The following NRXN3 variants were observed in gnomAD, a reference collection of about 807,000 sequenced individuals.
The protein encoded by NRXN3 is neurexin III.
Under a neutral mutation model 137.6 loss-of-function variants are expected in NRXN3, and 32 were observed. The observed-to-expected ratio is 0.23, with a 90% CI of 0.18 to 0.31. The LOEUF (loss-of-function observed/expected upper bound fraction) is 0.31. NRXN3 is among the 10% of genes least tolerant of loss of function. The probability of loss-of-function intolerance (pLI) is 1.00; values close to 1 mark genes in which losing one functional copy is unlikely to be tolerated. For missense variants in NRXN3, 1,574 were observed against 2,062.5 expected (o/e 0.76, Z 4.59); for synonymous variants, 798 against 784.5 (o/e 1.02, Z -0.29).
intron 19 of NRXN3, among the ~76,000 whole-genome samples, chr14:79,783,315 G>A (rs567917897): frequency 6.6e-6 from 1 of 152,308 alleles, no homozygotes; most frequent in East Asian, 1.9e-4. Flanking sequence ...GAGGAAATGT[G>A]TGACCCAGAA....
At chr14:79,363,445 G>A (rs1202283192) in intron 15 of NRXN3, among the ~76,000 whole-genome samples, 1 of 152,124 alleles carries the variant, frequency 6.6e-6, no homozygotes, top group Non-Finnish European at 1.5e-5. Context: ...GCTCATAGCT[G>A]TAATTAGTGT....
intron 10 of NRXN3, among the ~76,000 whole-genome samples, chr14:78,887,974 C>T (rs1037950585): frequency 5.3e-5 from 8 of 151,918 alleles, no homozygotes; most frequent in Non-Finnish European, 4.4e-5. Context: ...GCCTCTGGGC[C>T]GTCTTTATTT....
chr14:78,901,944 A>G (rs547764655), intron 10 of NRXN3, among the ~76,000 whole-genome samples: 29 of 152,166 alleles, frequency 1.9e-4, no homozygotes, highest in African/African-American at 7.0e-4. Flanking sequence ...TGAGCCAGCA[A>G]TCCATCTTAC....
At chr14:79,032,992 G>C (rs1285282227) in intron 15 of NRXN3, among the ~76,000 whole-genome samples, 1 of 152,128 alleles carries the variant, frequency 6.6e-6, no homozygotes, top group African/African-American at 2.4e-5. Context: ...AATGTTAACT[G>C]TTACTATTGT....
intron 15 of NRXN3, among the ~76,000 whole-genome samples, chr14:79,123,409 T>C (rs562879302): frequency 9.2e-5 from 14 of 152,288 alleles, no homozygotes; most frequent in Admixed American, 7.8e-4. Context: ...AATAGCTATA[T>C]AATAAAACAT....
chr14:78,226,698 AT>A (rs2064719276), intron 1 of NRXN3, among the ~76,000 whole-genome samples: 1 of 152,192 alleles, frequency 6.6e-6, no homozygotes, highest in African/African-American at 2.4e-5. Context: ...TGATAGAATA[AT>A]TTTTTGAGTC....
chr14:78,361,740 CTATGGTG>C (rs1163895421), intron 4 of NRXN3, among the ~76,000 whole-genome samples: 1 of 152,162 alleles, frequency 6.6e-6, no homozygotes, highest in Non-Finnish European at 1.5e-5. Flanking sequence ...AGTGTATTAT[CTATGGTG>C]TATTTTGAAA....
intron 4 of NRXN3, among the ~76,000 whole-genome samples, chr14:78,495,848 A>G (rs1356541103): frequency 6.6e-6 from 1 of 151,954 alleles, no homozygotes; most frequent in Non-Finnish European, 1.5e-5. Flanking sequence ...GTCTGAACAG[A>G]CTCTTTTCCC....
At chr14:79,237,079 TG>T (rs966840479) in intron 15 of NRXN3, among the ~76,000 whole-genome samples, 11 of 148,012 alleles carry the variant, frequency 7.4e-5, no homozygotes, top group African/African-American at 2.2e-4. Flanking sequence ...GTCACAAGGG[TG>T]TTTTTTTTTT....
intron 10 of NRXN3, among the ~76,000 whole-genome samples, chr14:78,847,881 G>A (rs774747487): frequency 2.0e-5 from 3 of 152,030 alleles, no homozygotes; most frequent in African/African-American, 7.2e-5. Flanking sequence ...AAGGTCACTC[G>A]CCACCCTACT....
chr14:78,246,625 A>G (rs540537738), intron 2 of NRXN3, among the ~76,000 whole-genome samples: 2 of 152,340 alleles, frequency 1.3e-5, no homozygotes, highest in South Asian at 2.1e-4. Flanking sequence ...GGTAATTGTC[A>G]TCAAGTCTAA....
chr14:78,392,866 G>A (rs1221178301), intron 4 of NRXN3, among the ~76,000 whole-genome samples: 1 of 152,054 alleles, frequency 6.6e-6, no homozygotes, highest in Non-Finnish European at 1.5e-5. Context: ...TAAATTTTGG[G>A]TACTAGCTTC....
chr14:78,275,756 G>A (rs982943130), intron 2 of NRXN3, among the ~76,000 whole-genome samples: 1 of 152,148 alleles, frequency 6.6e-6, no homozygotes, highest in African/African-American at 2.4e-5. Context: ...TGGGAGTGGG[G>A]GTCACCTCTA....
At chr14:79,398,417 A>G (rs1397234342) in intron 15 of NRXN3, among the ~76,000 whole-genome samples, 3 of 152,192 alleles carry the variant, frequency 2.0e-5, no homozygotes, top group Admixed American at 6.5e-5. Context: ...TTTGAACACA[A>G]ATCATGTCTT....
At chr14:79,426,188 G>T (rs2095652348) in intron 15 of NRXN3, among the ~76,000 whole-genome samples, 1 of 152,130 alleles carries the variant, frequency 6.6e-6, no homozygotes, top group Non-Finnish European at 1.5e-5. Context: ...TACAGTAGAT[G>T]CAGCTGACAG....
At chr14:79,194,311 C>G (rs529859440) in intron 15 of NRXN3, among the ~76,000 whole-genome samples, 11 of 152,338 alleles carry the variant, frequency 7.2e-5, no homozygotes, top group Admixed American at 2.6e-4. Context: ...TTTCCTCCCT[C>G]TGTTCCCAGA....
intron 4 of NRXN3, among the ~76,000 whole-genome samples, chr14:78,517,266 A>G (rs1356650165): frequency 6.6e-6 from 1 of 152,102 alleles, no homozygotes. Context: ...TGAGCTATTT[A>G]ATATGTTGAT....
At chr14:78,426,471 G>A (rs2093669584) in intron 4 of NRXN3, among the ~76,000 whole-genome samples, 1 of 152,234 alleles carries the variant, frequency 6.6e-6, no homozygotes, top group Non-Finnish European at 1.5e-5. Flanking sequence ...GATGGATTAA[G>A]AAGAGAATAG....
chr14:78,535,743 C>T (rs1487280725), intron 4 of NRXN3, among the ~76,000 whole-genome samples: 3 of 152,192 alleles, frequency 2.0e-5, no homozygotes, highest in Non-Finnish European at 4.4e-5. Flanking sequence ...GCAACTTGAA[C>T]TTTCAAACTC....
Sources: allele counts gnomAD v4.1 joint callset (sites outside exome capture counted in the v4.1 genomes callset), GRCh38; gene constraint gnomAD v4.1.1; transcripts MANE v1.5; gene names NCBI Gene and HGNC (gene_info 2026-07-23, HGNC 2026-07-21).